APBA1: variants seen among roughly 807,000 people sequenced by gnomAD.
The protein encoded by APBA1 is amyloid beta precursor protein binding family A member 1.
In APBA1, 55 loss-of-function variants were observed where a neutral mutation model predicts 86.6. The observed-to-expected ratio is 0.64, with a 90% CI of 0.51 to 0.80. The LOEUF is 0.80. Among genes scored for constraint, APBA1 ranks in the 30% least tolerant of loss-of-function variants. APBA1 has a pLI of 0.00. For missense variants in APBA1, 1,090 were observed against 1,183.0 expected (o/e 0.92, Z 1.15); for synonymous variants, 511 against 493.9 (o/e 1.03, Z -0.46).
rs546861548 is a variant in APBA1 at position 69,641,378 on chromosome 9, C to G, written c.-70+30775G>C. Among the ~76,000 whole-genome samples the G allele has an allele frequency of 1.6e-4, 25 of 152,268 alleles. No individual in the cohort carries two copies. The East Asian group carries it at 4.2e-3, about 26-fold the overall frequency. ...TAATACCAATCAAAATCCCAGCAGA[C>G]TTCTCTGTAGAAACTGACAAGTAGA... On this transcript the variant is annotated intron_variant, in intron 1 of 12. Transcript: ENST00000265381.
intron 1 of APBA1, among the ~76,000 whole-genome samples, chr9:69,535,428 T>A (rs894717652): frequency 6.6e-6 from 1 of 152,344 alleles, no homozygotes; most frequent in Non-Finnish European, 1.5e-5. Flanking sequence ...CCTTTCAATA[T>A]GTTTTTCTTA....
In APBA1 at chr9:69,439,868, A is replaced by G. The variant is rs190746224; in HGVS notation, c.2301+1128T>C. On this transcript the variant is annotated intron_variant, in intron 11 of 12. Coordinates refer to ENST00000265381, the MANE Select transcript of APBA1 (RefSeq NM_001163.4). ...CAGGAGGAGAGGTGCTCTGGTTTGTAGAGTTTCTGGTTTTTCTGCTCTGTT... is the reference window on the plus strand; with the variant it reads ...CAGGAGGAGAGGTGCTCTGGTTTGTGGAGTTTCTGGTTTTTCTGCTCTGTT... Among the ~76,000 whole-genome samples, 366 of 152,162 alleles carry G rather than the reference A, an allele frequency of 2.4e-3. 2 individuals carry two copies. Among genetic ancestry groups the G allele is most frequent in the African/African-American group, 8.2e-3 (342 of 41,496 alleles).
At chr9:69,446,233 C>G (rs1366303664) in intron 10 of APBA1, among the ~76,000 whole-genome samples, 2 of 152,160 alleles carry the variant, frequency 1.3e-5, no homozygotes, top group Non-Finnish European at 2.9e-5. Context: ...GTGATTCTGG[C>G]TGTTATCAGT....
rs774340272 is a variant in APBA1 at position 69,476,073 on chromosome 9, G to C, written c.1271C>G (p.Pro424Arg). ...CTCTTTATTAGTGGACGCTTCCACA[G>C]GGTCACTGGGGTGAAGAGATGTGCT... ...SSSTSLHPSD[P>R]VEASTNKESR... The change falls in exon 3 of 13, where the codon CCT becomes CGT. Residue 424 changes from proline (P) to arginine (R), a missense_variant. This residue lies in a region of APBA1 where 678 missense variants were observed against 647.1 expected (regional missense o/e 1.05). Coordinates refer to ENST00000265381, the MANE Select transcript of APBA1 (RefSeq NM_001163.4). 1 of 1,614,040 alleles carries C rather than the reference G, an allele frequency of 6.2e-7. No homozygotes were observed. Among genetic ancestry groups the C allele is most frequent in the African/African-American group, 1.3e-5 (1 of 74,922 alleles).
intron 1 of APBA1, among the ~76,000 whole-genome samples, chr9:69,642,631 A>AAGAG (rs956569874): frequency 3.3e-5 from 5 of 151,504 alleles, no homozygotes; most frequent in South Asian, 2.1e-4. Context: ...GTTTTTGTGA[A>AAGAG]AGAGAGAGAG....
intron 1 of APBA1, among the ~76,000 whole-genome samples, chr9:69,534,054 A>G (rs763162170): frequency 3.3e-5 from 5 of 152,248 alleles, no homozygotes; most frequent in Non-Finnish European, 7.3e-5. Flanking sequence ...GCTTAGAAAA[A>G]TAATGTCAAA....
Position 69,658,569 on chromosome 9 carries a change from ATT to A in APBA1, c.-70+13582_-70+13583del, listed in dbSNP as rs71356125. 6.8e-3 allele frequency among the ~76,000 whole-genome samples: 963 copies of A among 141,006 alleles called. 10 individuals are homozygous for A. Among genetic ancestry groups the A allele is most frequent in the African/African-American group, 0.024 (914 of 38,044 alleles). The allele number at this position is 141,006 out of a possible 152,430, so 92.5% of individuals were successfully genotyped here. A position where few individuals can be genotyped will look rare whatever the true frequency, so the allele number is the denominator to read the frequency against. On this transcript the variant is annotated intron_variant, in intron 1 of 12. Transcript: ENST00000265381. ...AGGCGTGCACCACCATGCCCAGCTA[ATT>A]TTTTTTTTTTTTCAGTTAAGACAGG...
intron 1 of APBA1, among the ~76,000 whole-genome samples, chr9:69,625,131 C>T (rs1355692519): frequency 2.6e-5 from 4 of 152,136 alleles, no homozygotes; most frequent in African/African-American, 7.2e-5. Flanking sequence ...ACCACTTTCC[C>T]CATTCCTAGT....
At position 69,566,177 on chromosome 9, in the gene APBA1, G is replaced by A. The variant is rs568539859; in HGVS notation, c.-69-48898C>T. Among the ~76,000 whole-genome samples the A allele has an allele frequency of 5.9e-5, 9 of 152,302 alleles. No individual in the cohort carries two copies. In the East Asian group the frequency reaches 9.6e-4, roughly 16 times the overall value. On this transcript the variant is annotated intron_variant, in intron 1 of 12. Coordinates refer to ENST00000265381, the MANE Select transcript of APBA1 (RefSeq NM_001163.4). ...CTCTCCCAAACTGAGGTAGGTCTCC[G>A]TGCTGCATATCCCCATAGCAACATA...
Position 69,456,340 on chromosome 9 carries a change from G to A in APBA1, c.1695C>T (p.Arg565=). 1 of 1,614,180 alleles carries A rather than the reference G, an allele frequency of 6.2e-7. No individual in the cohort carries two copies. Among genetic ancestry groups the A allele is most frequent in the South Asian group, 1.1e-5 (1 of 91,086 alleles). The stretch of plus-strand genomic sequence containing the variant: ...CTTCCACGTTCTCCTGGGAGTTGGA[G>A]CGAGGCATCCGCCGGCGGGCCATCA... ...VVLMARRRMP[R]SNSQENVEAS... Residue 565 remains arginine, a synonymous_variant, in exon 8 of 13, where the codon CGC becomes CGT. Coordinates refer to ENST00000265381, the MANE Select transcript of APBA1 (RefSeq NM_001163.4).
intron 2 of APBA1, among the ~76,000 whole-genome samples, chr9:69,477,143 C>T (rs1835462735): frequency 6.6e-6 from 1 of 152,246 alleles, no homozygotes; most frequent in South Asian, 2.1e-4. Context: ...AGGAACAGCT[C>T]CAGTCTACAG....
chr9:69,563,338 C>CCTT (rs397727053), intron 1 of APBA1, among the ~76,000 whole-genome samples: 1 of 152,128 alleles, frequency 6.6e-6, no homozygotes, highest in African/African-American at 2.4e-5. Flanking sequence ...CTAAATTTCT[C>CCTT]TACTTTTACC....
chr9:69,499,280 T>A (rs1217497522), intron 2 of APBA1, among the ~76,000 whole-genome samples: 1 of 152,096 alleles, frequency 6.6e-6, no homozygotes, highest in African/African-American at 2.4e-5. Flanking sequence ...CCTTCTTCCC[T>A]TCCCTAGGAA....
chr9:69,591,616 G>A (rs2133965373), intron 1 of APBA1, among the ~76,000 whole-genome samples: 1 of 152,274 alleles, frequency 6.6e-6, no homozygotes, highest in Non-Finnish European at 1.5e-5. Flanking sequence ...GCACTTCTCG[G>A]CCCAGAGGAG....
chr9:69,590,211 G>A (rs1822103817), intron 1 of APBA1, among the ~76,000 whole-genome samples: 1 of 152,180 alleles, frequency 6.6e-6, no homozygotes, highest in Admixed American at 6.5e-5. Flanking sequence ...AGTTCCTCTT[G>A]GGGTGGGAAC....
chr9:69,477,294 C>T (rs916618090), intron 2 of APBA1, among the ~76,000 whole-genome samples: 2 of 151,466 alleles, frequency 1.3e-5, no homozygotes, highest in African/African-American at 2.4e-5. Context: ...CAGGGCGAGG[C>T]ATTTCCTCAC....
intron 2 of APBA1, among the ~76,000 whole-genome samples, chr9:69,504,957 C>T (rs780756587): frequency 1.3e-5 from 2 of 152,050 alleles, no homozygotes; most frequent in African/African-American, 4.8e-5. Flanking sequence ...CAGCCATACC[C>T]CTCATATTTC....
At chr9:69,627,941 C>T (rs546703526) in intron 1 of APBA1, among the ~76,000 whole-genome samples, 1 of 152,258 alleles carries the variant, frequency 6.6e-6, no homozygotes, top group African/African-American at 2.4e-5. Flanking sequence ...AGTGACCCTC[C>T]CTCCTCCTGT....
chr9:69,442,297 G>A (rs961581177), intron 10 of APBA1, among the ~76,000 whole-genome samples: 1 of 152,206 alleles, frequency 6.6e-6, no homozygotes, highest in Non-Finnish European at 1.5e-5. Flanking sequence ...AGACCACACT[G>A]TTGTAGCTGC....
Sources: gnomAD v4.1 joint callset for allele counts (sites outside exome capture counted in the v4.1 genomes callset) on GRCh38, gnomAD v4.1.1 for gene constraint, gnomAD v4.1.1 regional missense constraint, MANE v1.5 for transcripts, NCBI Gene and HGNC (gene_info 2026-07-23, HGNC 2026-07-21) for gene names.